NRG3: variants seen among roughly 807,000 people sequenced by gnomAD.
NRG3 encodes pro-neuregulin-3, membrane-bound isoform.
In NRG3, 31 loss-of-function variants were observed where a neutral mutation model predicts 66.9. The ratio of observed to expected loss-of-function variants is 0.46; its 90% CI spans 0.35 to 0.63. The LOEUF (loss-of-function observed/expected upper bound fraction) is 0.63, where lower values mean the gene tolerates loss of function less well. Among genes scored for constraint, NRG3 ranks in the 20% least tolerant of loss-of-function variants. The probability of loss-of-function intolerance (pLI) is 0.00; values close to 1 mark genes in which losing one functional copy is unlikely to be tolerated. For synonymous variants in NRG3, 393 were observed against 359.4 expected, an observed-to-expected ratio of 1.09 and a Z score of -1.06; for missense variants, 910 against 878.9, an observed-to-expected ratio of 1.04 and a Z score of -0.45.
rs569652217 is a variant in NRG3, at chr10:82,379,672, TA to T, written c.953+20806del. 4.1e-3 allele frequency among the ~76,000 whole-genome samples: 628 copies of T among 152,278 alleles called. 3 individuals carry two copies. Among genetic ancestry groups the T allele is most frequent in the Middle Eastern group, 0.014 (4 of 294 alleles). On this transcript the variant is annotated intron_variant, in intron 2 of 8. Transcript: ENST00000372141. The stretch of plus-strand genomic sequence containing the variant: ...AATTTGGGGAAGAAGGACTCTGGTT[TA>T]ATATATTGAGTGTGAAGTTCTAATT...
intron 1 of NRG3, among the ~76,000 whole-genome samples, chr10:81,940,546 G>A (rs1848319253): frequency 6.6e-6 from 1 of 151,772 alleles, no homozygotes; most frequent in African/African-American, 2.4e-5. Flanking sequence ...TTGAGGAGAT[G>A]GGGGTCTCAT....
rs770513299 is a variant in NRG3 at position 81,875,776 on chromosome 10, GCCT to G, written c.442_444del (p.Ser148del). ...CGCCACCCCCTCCGCCGGGGGTGCC[GCCT>G]CCTCCAGGACGCCCAACCGGATTAG... On this transcript the variant is annotated inframe_deletion, in exon 1 of 9. Transcript: ENST00000372141. This position sits in a 1 kb window ranked among gnomAD's most constrained non-coding sequence, Gnocchi z 5.3. The G allele has an allele frequency of 2.5e-5, 40 of 1,611,016 alleles. No homozygotes were observed. The highest frequency in any genetic ancestry group is 1.2e-4 in the African/African-American group (9 of 74,816).
At chr10:82,147,591 A>G (rs1418979679) in intron 1 of NRG3, among the ~76,000 whole-genome samples, 5 of 152,224 alleles carry the variant, frequency 3.3e-5, no homozygotes, top group Non-Finnish European at 7.3e-5. Flanking sequence ...CTTATGAGCC[A>G]TGGAGGACCC....
intron 1 of NRG3, among the ~76,000 whole-genome samples, chr10:81,930,324 C>T (rs1313955675): frequency 6.6e-6 from 1 of 152,058 alleles, no homozygotes; most frequent in Non-Finnish European, 1.5e-5. Context: ...CCATGACGTT[C>T]CTGAAGCTCA....
intron 4 of NRG3, among the ~76,000 whole-genome samples, chr10:82,905,973 A>G (rs1346345447): frequency 6.6e-6 from 1 of 152,126 alleles, no homozygotes; most frequent in Non-Finnish European, 1.5e-5. Flanking sequence ...TGGCCATGTC[A>G]TATGTCAATC....
intron 1 of NRG3, among the ~76,000 whole-genome samples, chr10:81,899,512 T>G (rs938714892): frequency 6.6e-6 from 1 of 152,178 alleles, no homozygotes; most frequent in Non-Finnish European, 1.5e-5. Context: ...GGTTGGGCAT[T>G]GTCCTCACCC....
intron 1 of NRG3, among the ~76,000 whole-genome samples, chr10:82,078,025 A>T (rs1489172724): frequency 6.6e-6 from 1 of 152,174 alleles, no homozygotes; most frequent in Non-Finnish European, 1.5e-5. Flanking sequence ...GGGACAAGGC[A>T]TGGTGGCCAA....
At chr10:82,004,170 A>T (rs1470999251) in intron 1 of NRG3, among the ~76,000 whole-genome samples, 3 of 152,206 alleles carry the variant, frequency 2.0e-5, no homozygotes, top group Non-Finnish European at 2.9e-5. Context: ...GCCATGTGGT[A>T]AAGGTAAGAA....
At position 81,996,480 on chromosome 10, in the gene NRG3, T is replaced by C. The variant is rs370685758; in HGVS notation, c.823+120317T>C. Among the ~76,000 whole-genome samples the C allele has an allele frequency of 1.8e-4, 27 of 152,342 alleles. No homozygotes were observed. The East Asian group carries it at 4.0e-3, about 23-fold the overall frequency. On this transcript the variant is annotated intron_variant, in intron 1 of 8. Transcript: ENST00000372141. ...AAAAATTAATAGCAATGCAATATGA[T>C]ATAATGGTGCAGGACTATATTCTGA...
chr10:82,977,177 A>G (rs917864594), intron 7 of NRG3, among the ~76,000 whole-genome samples: 2 of 152,132 alleles, frequency 1.3e-5, no homozygotes, highest in African/African-American at 4.8e-5. Context: ...CGCAGACCCC[A>G]TCATTGCCAT....
chr10:81,975,370 TATCTATTCATCCATC>T (rs2060086486), intron 1 of NRG3, among the ~76,000 whole-genome samples: 1 of 133,570 alleles, frequency 7.5e-6, no homozygotes, highest in South Asian at 2.5e-4. Context: ...TCTATCTATC[TATCTATTCATCCATC>T]CATCCATCCC....
chr10:82,556,837 C>T (rs796072395), intron 2 of NRG3, among the ~76,000 whole-genome samples: 5 of 152,180 alleles, frequency 3.3e-5, no homozygotes, highest in African/African-American at 1.2e-4. Context: ...TTTTCCTTGC[C>T]TGTGTTCCTA....
Position 82,927,103 on chromosome 10 carries a change from C to T in NRG3, c.1055-24366C>T, listed in dbSNP as rs149389438. Among the ~76,000 whole-genome samples, 767 of 152,248 alleles carry T rather than the reference C, an allele frequency of 5.0e-3. 6 individuals carry two copies. Among genetic ancestry groups the T allele is most frequent in the African/African-American group, 0.017 (725 of 41,550 alleles). ...TGTCCTTGCTCAGGGACCCCCAACA[C>T]GGACTGCAAGGCTTTAGAAGTTGAA... On this transcript the variant is annotated intron_variant, in intron 4 of 8. Coordinates refer to ENST00000372141, the MANE Select transcript of NRG3 (RefSeq NM_001010848.4).
At chr10:82,252,254 A>T (rs982461956) in intron 1 of NRG3, among the ~76,000 whole-genome samples, 5 of 152,222 alleles carry the variant, frequency 3.3e-5, no homozygotes, top group East Asian at 1.9e-4. Context: ...GGTACAAAAA[A>T]TTTTTTTCCC....
chr10:82,354,505 C>T (rs1350209175), intron 1 of NRG3, among the ~76,000 whole-genome samples: 2 of 151,934 alleles, frequency 1.3e-5, no homozygotes, highest in East Asian at 1.9e-4. Context: ...ATTCTCCTGC[C>T]TCAGCCTTCC....
At chr10:82,376,246 TCAGATAGCCCGAACACATG>T (rs1265410152) in intron 2 of NRG3, among the ~76,000 whole-genome samples, 1 of 152,160 alleles carries the variant, frequency 6.6e-6, no homozygotes, top group Non-Finnish European at 1.5e-5. Context: ...GATTCAACAT[TCAGATAGCCCGAACACATG>T]CAGAGCAAAC....
At chr10:82,538,845 G>C (rs1308477056) in intron 2 of NRG3, among the ~76,000 whole-genome samples, 1 of 152,090 alleles carries the variant, frequency 6.6e-6, no homozygotes, top group Non-Finnish European at 1.5e-5. Flanking sequence ...ATAGGTAGAG[G>C]AACTATACTC....
intron 1 of NRG3, among the ~76,000 whole-genome samples, chr10:82,286,750 G>C (rs1001604596): frequency 1.3e-5 from 2 of 152,008 alleles, no homozygotes; most frequent in African/African-American, 4.8e-5. Context: ...ACCATGCCCG[G>C]CTCACTTTTG....
At chr10:82,114,877 A>T (rs1444824495) in intron 1 of NRG3, among the ~76,000 whole-genome samples, 2 of 152,134 alleles carry the variant, frequency 1.3e-5, no homozygotes, top group Non-Finnish European at 2.9e-5. Flanking sequence ...ACCTTCATAC[A>T]ACGCAAGTAC....
Sources: allele counts gnomAD v4.1 joint callset (sites outside exome capture counted in the v4.1 genomes callset), GRCh38; gene constraint gnomAD v4.1.1; non-coding constraint Gnocchi (gnomAD v3.1); transcripts MANE v1.5; gene names NCBI Gene and HGNC (gene_info 2026-07-23, HGNC 2026-07-21).